Variants in HUWE1 observed in about 807,000 individuals in gnomAD.
The protein encoded by HUWE1 is E3 ubiquitin-protein ligase HUWE1.
Under a neutral mutation model 299.4 loss-of-function variants are expected in HUWE1, and 18 were observed. The ratio of observed to expected loss-of-function variants is 0.06; its 90% CI spans 0.04 to 0.09. The LOEUF (loss-of-function observed/expected upper bound fraction) is 0.09, where lower values mean the gene tolerates loss of function less well. Ranked by LOEUF, HUWE1 falls within the 10% of genes least tolerant of loss-of-function variation. HUWE1 has a pLI of 1.00. For missense variants in HUWE1, 1,832 were observed against 3,462.3 expected, an observed-to-expected ratio of 0.53 and a Z score of 11.82; for synonymous variants, 1,317 against 1,286.1, an observed-to-expected ratio of 1.02 and a Z score of -0.51.
intron 7 of HUWE1, 118 bp from the exon 8 acceptor site, chrX:53,634,416 T>A (rs1164257745): frequency 1.9e-6 from 1 of 531,620 alleles, no homozygotes; most frequent in Non-Finnish European, 3.4e-6. Flanking sequence ...TATATACACA[T>A]ACATATATAT....
At chrX:53,684,194 G>C in intron 2 of HUWE1, 1 of 235,151 alleles carries the variant, frequency 4.3e-6, no homozygotes, top group Non-Finnish European at 7.7e-6. Flanking sequence ...GCCGGCTCCC[G>C]CATGCGTTGA....
chrX:53,634,395 TTCTC>T (rs782624418), intron 7 of HUWE1, 97 bp from the exon 8 acceptor site: 10 of 591,309 alleles, frequency 1.7e-5, no homozygotes, highest in African/African-American at 6.7e-5. Context: ...TTATCTCTCT[TTCTC>T]TCTATGTATA....
At chrX:53,580,674 T>A (rs1556966260) in intron 43 of HUWE1, among the ~76,000 whole-genome samples, 157 bp downstream of exon 43, 1 of 112,338 alleles carries the variant, frequency 8.9e-6, no homozygotes, top group Non-Finnish European at 1.9e-5. Context: ...GCTACTGAAG[T>A]ACCTAATAAA....
At chrX:53,605,285 T>A (rs2065087746) in intron 25 of HUWE1, among the ~76,000 whole-genome samples, 1 of 112,193 alleles carries the variant, frequency 8.9e-6, no homozygotes, top group African/African-American at 3.2e-5. Context: ...AACCCAAGGA[T>A]TATACGACCC....
At chrX:53,557,554 C>A in intron 59 of HUWE1, 127 bp from the exon 60 acceptor site, 1 of 552,312 alleles carries the variant, frequency 1.8e-6, no homozygotes. Flanking sequence ...AATGCTTTGG[C>A]CATGTGACCA....
intron 3 of HUWE1, among the ~76,000 whole-genome samples, chrX:53,655,115 T>C (rs1403231239): frequency 9.0e-6 from 1 of 111,197 alleles, no homozygotes; most frequent in Admixed American, 9.5e-5. Flanking sequence ...AATAAGTTTC[T>C]CCTGTTAGCA....
intron 74 of HUWE1, among the ~76,000 whole-genome samples, chrX:53,541,172 A>G (rs2061327288): frequency 8.9e-6 from 1 of 112,264 alleles, no homozygotes; most frequent in Non-Finnish European, 1.9e-5. Flanking sequence ...TCTAACCACT[A>G]TACATGTTTT....
At chrX:53,665,359 A>G (rs1312107694) in intron 3 of HUWE1, among the ~76,000 whole-genome samples, 3 of 112,417 alleles carry the variant, frequency 2.7e-5, no homozygotes, top group Admixed American at 9.4e-5. Flanking sequence ...TTAAAATCTG[A>G]AAACACACTA....
At chrX:53,543,490 T>C (rs2061433108) in intron 73 of HUWE1, among the ~76,000 whole-genome samples, 1 of 110,810 alleles carries the variant, frequency 9.0e-6, no homozygotes, top group Admixed American at 9.6e-5. Flanking sequence ...GTAGGATTCC[T>C]GAGATGTTTC....
intron 4 of HUWE1, among the ~76,000 whole-genome samples, chrX:53,650,671 A>G (rs781943043): frequency 1.2e-4 from 13 of 112,348 alleles, no homozygotes; most frequent in African/African-American, 4.2e-4. Flanking sequence ...AATCTGGGGA[A>G]AAAATCCTTT....
intron 21 of HUWE1, 57 bp downstream of exon 21, chrX:53,616,911 AAG>A (rs782442868): frequency 4.0e-6 from 4 of 1,006,195 alleles, no homozygotes; most frequent in Non-Finnish European, 4.2e-6. Flanking sequence ...ATGATCAAGG[AAG>A]AGTTTCCTTG....
intron 4 of HUWE1, among the ~76,000 whole-genome samples, chrX:53,649,050 T>C (rs1037125215): frequency 8.9e-6 from 1 of 111,892 alleles, no homozygotes; most frequent in African/African-American, 3.2e-5. Context: ...GAGAAGTGAT[T>C]ATTACACTTG....
chrX:53,569,756 G>C lies in HUWE1; in HGVS notation c.6384C>G (p.Thr2128=). 8.3e-7 allele frequency: 1 copy of C among 1,211,912 alleles called. No homozygotes were observed. The highest frequency in any genetic ancestry group is 1.1e-6 in the Non-Finnish European group (1 of 895,399). Residue 2128 remains threonine, a synonymous_variant, in exon 48 of 84, where the codon ACC becomes ACG. Coordinates refer to ENST00000262854, the MANE Select transcript of HUWE1 (RefSeq NM_031407.7). ...CGAGGAACAGGCGGGCCAAGGCAGG[G>C]GTGTCCTTGTCTTCTGCATTCTGGG... ...PHTQNAEDKD[T]PALARLFLAS... is the part of the protein sequence containing the mutation.
At chrX:53,587,302 T>C (rs2063906412) in intron 37 of HUWE1, among the ~76,000 whole-genome samples, 1 of 112,158 alleles carries the variant, frequency 8.9e-6, no homozygotes, top group Non-Finnish European at 1.9e-5. Context: ...TCAAGGAAAA[T>C]GGAATAATTA....
At chrX:53,563,225 C>T (rs2062374679) in intron 52 of HUWE1, among the ~76,000 whole-genome samples, 1 of 112,286 alleles carries the variant, frequency 8.9e-6, no homozygotes, top group African/African-American at 3.2e-5. Context: ...CTTAAGAATA[C>T]GTGTCTACTT....
intron 33 of HUWE1, among the ~76,000 whole-genome samples, chrX:53,591,632 G>A (rs1556979087): frequency 8.9e-6 from 1 of 111,802 alleles, no homozygotes; most frequent in Non-Finnish European, 1.9e-5. Flanking sequence ...TGACCAATTA[G>A]TAAAAAAAAG....
chrX:53,578,570 G>C (rs2063348256), intron 43 of HUWE1, among the ~76,000 whole-genome samples: 1 of 96,362 alleles, frequency 1.0e-5, no homozygotes, highest in Non-Finnish European at 2.1e-5. Flanking sequence ...GCCCCGTCCG[G>C]GAGGGGGGAG....
At chrX:53,535,162 T>C (rs1012220266) in intron 81 of HUWE1, among the ~76,000 whole-genome samples, 2 of 111,524 alleles carry the variant, frequency 1.8e-5, no homozygotes, top group East Asian at 2.8e-4. Flanking sequence ...CTCAAACTCC[T>C]CACCTCAACT....
intron 48 of HUWE1, among the ~76,000 whole-genome samples, chrX:53,569,246 T>C (rs782146010): frequency 8.7e-4 from 98 of 112,510 alleles, no homozygotes; most frequent in African/African-American, 3.1e-3. Flanking sequence ...CTTCAACTCC[T>C]ACTCCTGGGC....
Sources: gnomAD v4.1 joint callset for allele counts (sites outside exome capture counted in the v4.1 genomes callset) on GRCh38, gnomAD v4.1.1 for gene constraint, MANE v1.5 for transcripts, NCBI Gene and HGNC (gene_info 2026-07-23, HGNC 2026-07-21) for gene names.